RYR3: variants seen among roughly 807,000 people sequenced by gnomAD.
RYR3 encodes ryanodine receptor 3.
In RYR3, 207 loss-of-function variants were observed where a neutral mutation model predicts 584.3. That is an observed-to-expected ratio of 0.35 (90% CI 0.32 to 0.40). RYR3 has a LOEUF of 0.40. RYR3 is among the 10% of genes least tolerant of loss of function. RYR3 has a pLI of 1.00. For missense variants in RYR3, 5,616 were observed against 6,089.2 expected, an observed-to-expected ratio of 0.92 and a Z score of 2.59; for synonymous variants, 2,416 against 2,248.5, an observed-to-expected ratio of 1.07 and a Z score of -2.11.
At position 33,757,466 on chromosome 15, in the gene RYR3, G is replaced by A. The variant is rs371642568; in HGVS notation, c.8584-9G>A. On this transcript the variant is annotated splice_polypyrimidine_tract_variant and intron_variant, in intron 59 of 103. Transcript: ENST00000634891. Reference sequence around the variant, plus strand: ...CTTCCTAGAAGTTGATTTCTGGTGCGTTTCCCAGGTTCTCCTCCCGCTGGT... The same window carrying A: ...CTTCCTAGAAGTTGATTTCTGGTGCATTTCCCAGGTTCTCCTCCCGCTGGT... The A allele has an allele frequency of 1.9e-5, 31 of 1,601,346 alleles. No individual in the cohort carries two copies. The highest frequency in any genetic ancestry group is 1.1e-4 in the East Asian group (5 of 44,482).
chr15:33,563,578 A>G (rs2057533818), intron 11 of RYR3, among the ~76,000 whole-genome samples: 2 of 152,314 alleles, frequency 1.3e-5, no homozygotes, highest in South Asian at 4.2e-4. Context: ...AATTGCCGTA[A>G]CAGTGTTTCT....
intron 12 of RYR3, among the ~76,000 whole-genome samples, chr15:33,570,649 A>G (rs1441664051): frequency 6.6e-6 from 1 of 152,156 alleles, no homozygotes; most frequent in Non-Finnish European, 1.5e-5. Flanking sequence ...GATGGGTATT[A>G]AATTGAATCT....
At chr15:33,794,097 A>G (rs9672699) in intron 67 of RYR3, among the ~76,000 whole-genome samples, 2 of 134,390 alleles carry the variant, frequency 1.5e-5, no homozygotes, top group Admixed American at 1.6e-4. Flanking sequence ...CATAATATAT[A>G]TTATATAAAT....
intron 1 of RYR3, among the ~76,000 whole-genome samples, chr15:33,425,718 T>C (rs550669409): frequency 6.8e-6 from 1 of 146,924 alleles, no homozygotes; most frequent in Non-Finnish European, 1.5e-5. Context: ...CTTGGCTCAC[T>C]GCAAGCTCCG....
At chr15:33,466,090 G>A (rs1433497885) in intron 1 of RYR3, among the ~76,000 whole-genome samples, 2 of 152,176 alleles carry the variant, frequency 1.3e-5, no homozygotes, top group South Asian at 2.1e-4. Flanking sequence ...AACACAAGTC[G>A]AGTTCAGAGA....
intron 66 of RYR3, 58 bp downstream of exon 66, chr15:33,786,040 T>C: frequency 7.4e-7 from 1 of 1,355,366 alleles, no homozygotes; most frequent in South Asian, 1.5e-5. Flanking sequence ...TGGATTCTTT[T>C]TTCATCTCTA....
At chr15:33,718,272 G>C (rs1052380670) in intron 43 of RYR3, among the ~76,000 whole-genome samples, 3 of 152,194 alleles carry the variant, frequency 2.0e-5, no homozygotes, top group Admixed American at 1.3e-4. Flanking sequence ...CTGGGATAAT[G>C]GAACAATGGG....
intron 38 of RYR3, among the ~76,000 whole-genome samples, chr15:33,676,146 A>G (rs560045832): frequency 2.6e-5 from 4 of 152,230 alleles, no homozygotes; most frequent in South Asian, 2.1e-4. Context: ...AGATTGACAG[A>G]AGAGAGCCAG....
rs1455759665 is a variant in RYR3, at chr15:33,810,924, C to T, written c.10198-54C>T. 6 of 1,466,530 alleles carry T rather than the reference C, an allele frequency of 4.1e-6. No homozygotes were observed. The African/African-American group carries it at 5.6e-5, about 14-fold the overall frequency. The allele number at this position is 1,466,530 out of a possible 1,614,324, so 90.8% of individuals were successfully genotyped here. ...ACTCTCCATACATCCCCATATGCTA[C>T]TTGACAGTTCCATGGTGATCTCCGG... On this transcript the variant is annotated intron_variant, in intron 71 of 103. Coordinates refer to ENST00000634891, the MANE Select transcript of RYR3 (RefSeq NM_001036.6).
chr15:33,841,344 T>A (rs2078351621), intron 90 of RYR3, among the ~76,000 whole-genome samples: 1 of 152,244 alleles, frequency 6.6e-6, no homozygotes, highest in African/African-American at 2.4e-5. Context: ...TGGGTATATT[T>A]CCTTTTACCC....
intron 1 of RYR3, among the ~76,000 whole-genome samples, chr15:33,424,124 A>G (rs1311440828): frequency 2.0e-5 from 3 of 152,216 alleles, no homozygotes; most frequent in African/African-American, 7.2e-5. Context: ...TACTGCAGGC[A>G]GTACAGCATA....
chr15:33,863,095 C>T (rs1889041228), intron 102 of RYR3, among the ~76,000 whole-genome samples: 1 of 152,192 alleles, frequency 6.6e-6, no homozygotes, highest in African/African-American at 2.4e-5. Flanking sequence ...GGAACCCCTT[C>T]TGTGCCTTCC....
At chr15:33,522,714 C>T (rs2054094706) in intron 3 of RYR3, among the ~76,000 whole-genome samples, 1 of 152,148 alleles carries the variant, frequency 6.6e-6, no homozygotes, top group South Asian at 2.1e-4. Context: ...ACACTGGGCT[C>T]TTTGGGGTTT....
chr15:33,861,570 A>G (rs1224936794), intron 102 of RYR3, among the ~76,000 whole-genome samples: 1 of 151,888 alleles, frequency 6.6e-6, no homozygotes, highest in African/African-American at 2.4e-5. Flanking sequence ...TTTCAGCACA[A>G]TTGAAAGCTG....
chr15:33,545,141 C>A (rs2056141499), intron 8 of RYR3, among the ~76,000 whole-genome samples: 1 of 152,122 alleles, frequency 6.6e-6, no homozygotes, highest in Non-Finnish European at 1.5e-5. Flanking sequence ...CTCTCTATTC[C>A]TGTTCTACTT....
At chr15:33,477,976 C>G (rs2049576065) in intron 2 of RYR3, among the ~76,000 whole-genome samples, 1 of 149,778 alleles carries the variant, frequency 6.7e-6, no homozygotes, top group African/African-American at 2.5e-5. Flanking sequence ...TTATCGATAG[C>G]AAATGTTTAT....
At position 33,785,938 on chromosome 15, in the gene RYR3, A is replaced by G. The variant is rs749781128; in HGVS notation, c.9545A>G (p.Asn3182Ser). 1 of 1,607,874 alleles carries G rather than the reference A, an allele frequency of 6.2e-7. No homozygotes were observed. The highest frequency in any genetic ancestry group is 2.2e-5 in the East Asian group (1 of 44,730). ...ILGNILKIIN[N>S]NLGIDEASWM... ...GGCAACATTCTGAAAATCATCAACA[A>G]CAACCTGGGCATCGATGAGGCCTCC... Residue 3182 changes from asparagine to serine, a missense_variant, in exon 66 of 104, where the codon AAC becomes AGC. Asn to Ser is a conservative substitution (Grantham distance 46). Transcript: ENST00000634891.
At chr15:33,517,890 A>G (rs566279330) in intron 3 of RYR3, among the ~76,000 whole-genome samples, 1 of 152,292 alleles carries the variant, frequency 6.6e-6, no homozygotes, top group South Asian at 2.1e-4. Flanking sequence ...TGACAGCATG[A>G]TTTAATAATA....
At chr15:33,504,475 T>C (rs2052289167) in intron 3 of RYR3, among the ~76,000 whole-genome samples, 1 of 152,220 alleles carries the variant, frequency 6.6e-6, no homozygotes, top group African/African-American at 2.4e-5. Flanking sequence ...TCCCCCATAC[T>C]CCATTAGATG....
Sources: allele counts gnomAD v4.1 joint callset (sites outside exome capture counted in the v4.1 genomes callset), GRCh38; gene constraint gnomAD v4.1.1; transcripts MANE v1.5; gene names NCBI Gene and HGNC (gene_info 2026-07-23, HGNC 2026-07-21).